KLF12: variants seen among roughly 807,000 people sequenced by gnomAD.
The protein encoded by KLF12 is KLF transcription factor 12, also known as Krueppel-like factor 12.
Under a neutral mutation model 37.8 loss-of-function variants are expected in KLF12, and 9 were observed. The observed-to-expected ratio is 0.24, with a 90% CI of 0.14 to 0.42. KLF12 has a LOEUF of 0.42. Ranked by LOEUF, KLF12 falls within the 10% of genes least tolerant of loss-of-function variation. The probability of loss-of-function intolerance (pLI) is 1.00; values close to 1 mark genes in which losing one functional copy is unlikely to be tolerated. For missense variants in KLF12, 411 were observed against 516.0 expected, an observed-to-expected ratio of 0.80 and a Z score of 1.97; for synonymous variants, 208 against 202.1, an observed-to-expected ratio of 1.03 and a Z score of -0.25.
At chr13:74,186,667 T>A in the KLF12 span, among the ~76,000 whole-genome samples, 26 of 152,112 alleles carry the variant, frequency 1.7e-4, no homozygotes, top group Non-Finnish European at 8.8e-5. Context: ...TCCTCCATGA[T>A]AGAAAAAAAA....
the KLF12 span, among the ~76,000 whole-genome samples, chr13:74,267,815 T>C: frequency 6.6e-6 from 1 of 152,196 alleles, no homozygotes; most frequent in African/African-American, 2.4e-5. Context: ...ACATAGTATA[T>C]GCATGTATCA....
At chr13:74,174,578 C>T in the KLF12 span, among the ~76,000 whole-genome samples, 1 of 152,022 alleles carries the variant, frequency 6.6e-6, no homozygotes, top group African/African-American at 2.4e-5. Flanking sequence ...CCATGGAACC[C>T]ACTGAAAGGC....
chr13:74,274,682 C>A, the KLF12 span, among the ~76,000 whole-genome samples: 1 of 150,858 alleles, frequency 6.6e-6, no homozygotes, highest in Non-Finnish European at 1.5e-5. Context: ...TTATTTTTCA[C>A]TTCTTTTTTT....
intron 3 of KLF12, among the ~76,000 whole-genome samples, chr13:73,915,661 T>A (rs1474511607): frequency 6.7e-6 from 1 of 150,010 alleles, no homozygotes; most frequent in Non-Finnish European, 1.5e-5. Flanking sequence ...TACAGGCACC[T>A]GCCACCACGC....
chr13:74,165,299 C>CTTTTTTTTTTTT, the KLF12 span, among the ~76,000 whole-genome samples: 8 of 98,304 alleles, frequency 8.1e-5, no homozygotes, highest in East Asian at 3.2e-4. Flanking sequence ...ATTTTCTTTT[C>CTTTTTTTTTTTT]TTTTTTTTTT....
the KLF12 span, among the ~76,000 whole-genome samples, chr13:74,255,755 T>C: frequency 4.6e-5 from 7 of 152,318 alleles, no homozygotes; most frequent in Middle Eastern, 3.4e-3. Context: ...TGCTGCTTAC[T>C]GAGGAGACAA....
At chr13:73,893,617 G>T (rs1040752180) in intron 3 of KLF12, among the ~76,000 whole-genome samples, 2 of 151,976 alleles carry the variant, frequency 1.3e-5, no homozygotes, top group African/African-American at 4.8e-5. Flanking sequence ...CCTGACCTCA[G>T]GTGATCTGCT....
intron 2 of KLF12, among the ~76,000 whole-genome samples, chr13:73,991,152 A>G (rs2138245024): frequency 6.6e-6 from 1 of 152,342 alleles, no homozygotes; most frequent in Non-Finnish European, 1.5e-5. Context: ...ACCCAATTCA[A>G]GACGATATTT....
intron 1 of KLF12, among the ~76,000 whole-genome samples, chr13:74,049,667 AGGAGCAAAATAATAATAAAATTGG>A (rs1396728711): frequency 6.6e-6 from 1 of 152,248 alleles, no homozygotes; most frequent in Non-Finnish European, 1.5e-5. Context: ...GACTGAAAAC[AGGAGCAAAATAATAATAAAATTGG>A]AATTCCAGCG....
intron 3 of KLF12, among the ~76,000 whole-genome samples, chr13:73,892,174 C>A (rs1170766676): frequency 6.6e-6 from 1 of 152,016 alleles, no homozygotes; most frequent in African/African-American, 2.4e-5. Context: ...TCTACAAATT[C>A]TTCTTCATCA....
At chr13:74,241,212 G>T in the KLF12 span, among the ~76,000 whole-genome samples, 1 of 152,040 alleles carries the variant, frequency 6.6e-6, no homozygotes, top group Non-Finnish European at 1.5e-5. Context: ...CATGTGAGGT[G>T]TCAGTGTGCC....
chr13:74,275,326 G>C, the KLF12 span, among the ~76,000 whole-genome samples: 1 of 152,136 alleles, frequency 6.6e-6, no homozygotes, highest in Non-Finnish European at 1.5e-5. Context: ...GAGATACGGG[G>C]AACCATTGGA....
chr13:74,044,377 C>T (rs1024996186), intron 1 of KLF12, among the ~76,000 whole-genome samples: 2 of 152,046 alleles, frequency 1.3e-5, no homozygotes, highest in African/African-American at 2.4e-5. Flanking sequence ...GGAACGAGGG[C>T]TCTGTGATGA....
At chr13:74,172,551 C>T in the KLF12 span, among the ~76,000 whole-genome samples, 1 of 152,156 alleles carries the variant, frequency 6.6e-6, no homozygotes, top group African/African-American at 2.4e-5. Flanking sequence ...CATGGTCATA[C>T]AGTGTTGGCA....
At chr13:73,946,416 T>C (rs1220841779) in intron 2 of KLF12, among the ~76,000 whole-genome samples, 1 of 152,198 alleles carries the variant, frequency 6.6e-6, no homozygotes, top group African/African-American at 2.4e-5. Context: ...ACCAGAGTCT[T>C]TGAAGTTAAA....
At chr13:74,204,188 T>C in the KLF12 span, among the ~76,000 whole-genome samples, 1 of 152,204 alleles carries the variant, frequency 6.6e-6, no homozygotes, top group Non-Finnish European at 1.5e-5. Flanking sequence ...GTTCTTAAAC[T>C]TCATCTGTAG....
chr13:73,743,849 AAG>A (rs553004570), intron 6 of KLF12, among the ~76,000 whole-genome samples: 81 of 152,324 alleles, frequency 5.3e-4, no homozygotes, highest in African/African-American at 1.8e-3. Flanking sequence ...GCTTCCAGGA[AAG>A]AGAGAAAAAT....
chr13:73,843,169 T>C (rs1191603641), intron 4 of KLF12, among the ~76,000 whole-genome samples: 1 of 152,196 alleles, frequency 6.6e-6, no homozygotes, highest in Non-Finnish European at 1.5e-5. Context: ...CAACAAGTTT[T>C]TGTTCCTCCA....
Position 73,980,018 on chromosome 13 carries a change from C to T in KLF12, c.33+14972G>A, listed in dbSNP as rs145282397. 3.8e-3 allele frequency among the ~76,000 whole-genome samples: 586 copies of T among 152,254 alleles called. 3 individuals carry two copies. The highest frequency in any genetic ancestry group is 0.013 in the African/African-American group (540 of 41,532). On this transcript the variant is annotated intron_variant, in intron 2 of 7. Transcript: ENST00000377669. The stretch of plus-strand genomic sequence containing the variant: ...GAGGGGGCCTCAGAAAAAAATCCAC[C>T]CTGCTGAGACCTTATCTTGGACTTC...
Sources: gnomAD v4.1 joint callset for allele counts (sites outside exome capture counted in the v4.1 genomes callset) on GRCh38, gnomAD v4.1.1 for gene constraint, MANE v1.5 for transcripts, NCBI Gene and HGNC (gene_info 2026-07-23, HGNC 2026-07-21) for gene names.